The following TIAM1 variants were observed in gnomAD, a reference collection of about 807,000 sequenced individuals.
TIAM1 encodes the protein TIAM Rac1 associated GEF 1.
TIAM1 carries 65 observed loss-of-function variants against 163.5 expected under a neutral mutation model. That is an observed-to-expected ratio of 0.40 (90% CI 0.33 to 0.49). The LOEUF (loss-of-function observed/expected upper bound fraction) is 0.49. TIAM1 is among the 20% of genes least tolerant of loss of function. The pLI is 0.77. For missense variants in TIAM1, 1,789 were observed against 2,044.7 expected (o/e 0.87, Z 2.41); for synonymous variants, 833 against 810.1 (o/e 1.03, Z -0.48).
chr21:31,520,566 C>T (rs181124021), intron 1 of TIAM1, among the ~76,000 whole-genome samples: 63 of 152,292 alleles, frequency 4.1e-4, no homozygotes, highest in Non-Finnish European at 1.0e-4. Context: ...GGCAGGCCAA[C>T]TCATTGAGGA....
intron 2 of TIAM1, among the ~76,000 whole-genome samples, chr21:31,299,747 C>T (rs2074430234): frequency 6.6e-6 from 1 of 152,104 alleles, no homozygotes; most frequent in Admixed American, 6.5e-5. Flanking sequence ...GCCTCTGCTG[C>T]TTGAGGCCCA....
intron 2 of TIAM1, among the ~76,000 whole-genome samples, chr21:31,417,842 G>C (rs1299667922): frequency 6.6e-6 from 1 of 152,094 alleles, no homozygotes; most frequent in Non-Finnish European, 1.5e-5. Context: ...TAACTACCTG[G>C]GGAAGAGTGC....
chr21:31,345,824 C>T (rs1221051273), upstream of TIAM1, among the ~76,000 whole-genome samples: 3 of 152,096 alleles, frequency 2.0e-5, no homozygotes, highest in Non-Finnish European at 4.4e-5. Context: ...GTGGTGTGTG[C>T]CTGTAATTCC....
intron 14 of TIAM1, 147 bp from the exon 15 acceptor site, chr21:31,182,792 C>G: frequency 1.3e-6 from 1 of 752,544 alleles, no homozygotes; most frequent in South Asian, 2.3e-5. Flanking sequence ...GGGAGTGATC[C>G]TCAGGAGAGG....
chr21:31,429,784 A>G (rs1910537220), intron 2 of TIAM1, among the ~76,000 whole-genome samples: 1 of 151,224 alleles, frequency 6.6e-6, no homozygotes, highest in Non-Finnish European at 1.5e-5. Flanking sequence ...CCAGATGGGA[A>G]GTGGAAGAAA....
At chr21:31,322,457 G>GGA (rs71191201) in intron 2 of TIAM1, among the ~76,000 whole-genome samples, 1 of 139,802 alleles carries the variant, frequency 7.2e-6, no homozygotes, top group Non-Finnish European at 1.6e-5. Flanking sequence ...GTGGGGGGGG[G>GGA]TGCCATCATC....
At chr21:31,217,516 T>C in intron 9 of TIAM1, 37 bp downstream of exon 9, 1 of 1,598,400 alleles carries the variant, frequency 6.3e-7, no homozygotes, top group South Asian at 1.1e-5. Context: ...CAGAAGTGAT[T>C]TGTGCGGGCT....
At chr21:31,210,643 A>AGGAAGGG (rs769313578) in intron 10 of TIAM1, among the ~76,000 whole-genome samples, 2 of 24,580 alleles carry the variant, frequency 8.1e-5, no homozygotes, top group Non-Finnish European at 1.6e-4. Flanking sequence ...GAAAGAAAGA[A>AGGAAGGG]AGAAAGAAAG....
intron 1 of TIAM1, among the ~76,000 whole-genome samples, chr21:31,533,947 G>C (rs1469322496): frequency 6.6e-6 from 1 of 152,168 alleles, no homozygotes; most frequent in Non-Finnish European, 1.5e-5. Flanking sequence ...AAGCACGAGG[G>C]ATTCGGGATC....
chr21:31,228,350 G>A (rs919270498), intron 6 of TIAM1, among the ~76,000 whole-genome samples: 1 of 149,844 alleles, frequency 6.7e-6, no homozygotes, highest in Non-Finnish European at 1.5e-5. Context: ...GCCACTGGCT[G>A]GAAAGTAAAC....
intron 2 of TIAM1, among the ~76,000 whole-genome samples, chr21:31,460,579 C>T (rs137969439): frequency 5.5e-4 from 84 of 152,282 alleles, no homozygotes; most frequent in African/African-American, 1.9e-3. Context: ...TGAGCCAAGA[C>T]GGTGCCACTG....
intron 23 of TIAM1, among the ~76,000 whole-genome samples, chr21:31,134,717 G>A (rs1336674915): frequency 1.3e-5 from 2 of 152,064 alleles, no homozygotes; most frequent in East Asian, 3.9e-4. Context: ...CACCATATTA[G>A]CCAGGCTAGT....
At chr21:31,262,017 C>G (rs988856130) in intron 4 of TIAM1, among the ~76,000 whole-genome samples, 2 of 152,208 alleles carry the variant, frequency 1.3e-5, no homozygotes, top group African/African-American at 4.8e-5. Context: ...AACACAGAAC[C>G]TGGCTATAAG....
At chr21:31,210,707 GAAAGAAAGA>G (rs1569033609) in intron 10 of TIAM1, among the ~76,000 whole-genome samples, 6 of 102,136 alleles carry the variant, frequency 5.9e-5, no homozygotes, top group African/African-American at 3.4e-4. Flanking sequence ...GAAAGAAAGA[GAAAGAAAGA>G]GAAAGAAAGA....
chr21:31,167,645 G>A (rs1189304008), intron 15 of TIAM1, among the ~76,000 whole-genome samples: 2 of 152,150 alleles, frequency 1.3e-5, no homozygotes, highest in Non-Finnish European at 2.9e-5. Flanking sequence ...GTGAGAACCT[G>A]TTGGTGTTAG....
chr21:31,504,145 T>G (rs1375981310), intron 1 of TIAM1, among the ~76,000 whole-genome samples: 2 of 152,224 alleles, frequency 1.3e-5, no homozygotes, highest in African/African-American at 4.8e-5. Flanking sequence ...AGGGCTGGCA[T>G]GCTGTCTGTC....
At chr21:31,247,682 C>T (rs1408261848) in intron 5 of TIAM1, among the ~76,000 whole-genome samples, 2 of 152,126 alleles carry the variant, frequency 1.3e-5, no homozygotes, top group African/African-American at 4.8e-5. Flanking sequence ...AGGAGTGAGG[C>T]ACCACACCAA....
At chr21:31,168,152 G>A (rs958872780) in intron 15 of TIAM1, among the ~76,000 whole-genome samples, 1 of 151,534 alleles carries the variant, frequency 6.6e-6, no homozygotes, top group Non-Finnish European at 1.5e-5. Context: ...GAGTGCAGTG[G>A]TGTGATCTCA....
At chr21:31,519,036 C>A (rs896287850) in intron 1 of TIAM1, among the ~76,000 whole-genome samples, 1 of 151,950 alleles carries the variant, frequency 6.6e-6, no homozygotes, top group Non-Finnish European at 1.5e-5. Context: ...CTTGGCCGGG[C>A]GCAGTGGCTC....
Sources: gnomAD v4.1 joint callset for allele counts (sites outside exome capture counted in the v4.1 genomes callset) on GRCh38, gnomAD v4.1.1 for gene constraint, MANE v1.5 for transcripts, NCBI Gene and HGNC (gene_info 2026-07-23, HGNC 2026-07-21) for gene names.